The following RAD51B variants were observed in gnomAD, a reference collection of about 807,000 sequenced individuals.
RAD51B encodes RAD51 paralog B.
Under a neutral mutation model 42.2 loss-of-function variants are expected in RAD51B, and 38 were observed. The ratio of observed to expected loss-of-function variants is 0.90; its 90% CI spans 0.70 to 1.18. The LOEUF is 1.18. Ranked by LOEUF, RAD51B falls within the 50% of genes most tolerant of loss-of-function variation. RAD51B has a pLI of 0.00. For missense variants in RAD51B, 373 were observed against 400.7 expected, an observed-to-expected ratio of 0.93 and a Z score of 0.59; for synonymous variants, 154 against 145.2, an observed-to-expected ratio of 1.06 and a Z score of -0.43.
At chr14:68,607,023 G>C (rs995894575) in intron 10 of RAD51B, among the ~76,000 whole-genome samples, 4 of 152,290 alleles carry the variant, frequency 2.6e-5, no homozygotes, top group Admixed American at 6.5e-5. Flanking sequence ...AGTGTCATAT[G>C]TAAATTATAA....
At chr14:68,287,235 T>C (rs2081430645) in intron 7 of RAD51B, among the ~76,000 whole-genome samples, 2 of 152,202 alleles carry the variant, frequency 1.3e-5, no homozygotes, top group South Asian at 2.1e-4. Context: ...CTATTTTTCC[T>C]TGTGGGAAGG....
intron 7 of RAD51B, among the ~76,000 whole-genome samples, chr14:68,273,822 G>C (rs2081169154): frequency 2.6e-5 from 4 of 152,248 alleles, no homozygotes; most frequent in African/African-American, 9.6e-5. Context: ...GAGTAGTTGG[G>C]ATTACAGGTG....
chr14:67,908,509 T>G (rs2043855205), intron 7 of RAD51B: 1 of 148,184 alleles, frequency 6.7e-6, no homozygotes, highest in African/African-American at 2.5e-5. Context: ...GGAGTTTTGT[T>G]TTTTTTTTTT....
rs10650896 is a variant in RAD51B, at chr14:68,156,455, T to TTCTCTCTCTCTCTCTCTCTCTCTC, written c.757-135411_757-135388dup. Among the ~76,000 whole-genome samples the TTCTCTCTCTCTCTCTCTCTCTCTC allele has an allele frequency of 7.9e-5, 9 of 114,342 alleles. 1 individual carries two copies. Among genetic ancestry groups the TTCTCTCTCTCTCTCTCTCTCTCTC allele is most frequent in the African/African-American group, 2.4e-4 (7 of 28,952 alleles). 75.0% of individuals were successfully genotyped at this position (114,342 alleles called of 152,430 possible). On this transcript the variant is annotated intron_variant, in intron 7 of 10. Coordinates refer to ENST00000471583, the MANE Select transcript of RAD51B (RefSeq NM_133510.4). ...AAGTCAAGAAAGCACCTTAGAAAATTTCTCTCTCTCTCTCTCTCTCTCTCT... is the reference window on the plus strand; with the variant it reads ...AAGTCAAGAAAGCACCTTAGAAAATTTCTCTCTCTCTCTCTCTCTCTCTCTCTCTCTCTCTCTCTCTCTCTCTCT...
At chr14:67,936,044 T>G (rs1297849442) in intron 7 of RAD51B, among the ~76,000 whole-genome samples, 1 of 152,242 alleles carries the variant, frequency 6.6e-6, no homozygotes, top group Non-Finnish European at 1.5e-5. Flanking sequence ...AAAGGACACA[T>G]TATAAAAAGC....
At chr14:68,005,589 G>T (rs2075575672) in intron 7 of RAD51B, among the ~76,000 whole-genome samples, 1 of 152,066 alleles carries the variant, frequency 6.6e-6, no homozygotes, top group Non-Finnish European at 1.5e-5. Context: ...TTCTTGTTGG[G>T]CTTCGTATTT....
At chr14:68,029,072 C>A (rs564619725) in intron 7 of RAD51B, among the ~76,000 whole-genome samples, 12 of 152,368 alleles carry the variant, frequency 7.9e-5, no homozygotes, top group African/African-American at 2.9e-4. Context: ...AACCCTCTCC[C>A]GTGGAGCTGT....
intron 7 of RAD51B, among the ~76,000 whole-genome samples, chr14:68,102,550 G>C (rs1595399738): frequency 6.6e-6 from 1 of 152,050 alleles, no homozygotes; most frequent in Non-Finnish European, 1.5e-5. Flanking sequence ...CCTCTACCTG[G>C]ACTTCATTGT....
chr14:68,348,794 G>A (rs34607161), intron 8 of RAD51B, among the ~76,000 whole-genome samples: 126,629 of 151,882 alleles, frequency 0.83, 53,025 homozygotes, highest in East Asian at 0.99. Flanking sequence ...AGCTGCTCAG[G>A]AGGCTGAGGC....
intron 8 of RAD51B, among the ~76,000 whole-genome samples, chr14:68,336,498 A>G (rs1485670001): frequency 6.6e-6 from 1 of 152,242 alleles, no homozygotes; most frequent in Non-Finnish European, 1.5e-5. Flanking sequence ...CAAAAGAAAT[A>G]AAGGACTGAG....
chr14:67,830,464 C>G (rs907088392), intron 3 of RAD51B, among the ~76,000 whole-genome samples: 1 of 151,030 alleles, frequency 6.6e-6, no homozygotes, highest in Non-Finnish European at 1.5e-5. Flanking sequence ...TGCAGTGGTG[C>G]GATCTTGGCT....
chr14:68,281,693 T>C (rs907127848), intron 7 of RAD51B, among the ~76,000 whole-genome samples: 2 of 152,216 alleles, frequency 1.3e-5, no homozygotes, highest in Non-Finnish European at 1.5e-5. Context: ...GTTATTCTTA[T>C]TAATGATGTC....
rs1056932595 is a variant in RAD51B, at chr14:68,079,293, A to T, written c.756+192089A>T. ...AACTTCTGCAGGTAAATTATAACCC[A>T]CTTTTCTTTTTTATTTCATGTGGTC... On this transcript the variant is annotated intron_variant, in intron 7 of 10. Coordinates refer to ENST00000471583, the MANE Select transcript of RAD51B (RefSeq NM_133510.4). Among the ~76,000 whole-genome samples, 32 of 152,040 alleles carry T rather than the reference A, an allele frequency of 2.1e-4. 1 individual carries two copies. Among genetic ancestry groups the T allele is most frequent in the Admixed American group, 2.0e-3 (30 of 15,264 alleles).
chr14:68,411,369 A>T, intron 8 of RAD51B, 55 bp from the exon 9 acceptor site: 1 of 1,460,074 alleles, frequency 6.8e-7, no homozygotes, highest in South Asian at 1.1e-5. Flanking sequence ...ACTTCATGTG[A>T]AATGCCATCT....
At chr14:67,919,439 GA>G (rs1340085144) in intron 7 of RAD51B, among the ~76,000 whole-genome samples, 2 of 152,068 alleles carry the variant, frequency 1.3e-5, no homozygotes, top group East Asian at 1.9e-4. Context: ...TTCTTTACTG[GA>G]AAAAAACCCT....
intron 8 of RAD51B, among the ~76,000 whole-genome samples, chr14:68,380,668 AACTC>A (rs2083461840): frequency 6.6e-6 from 1 of 152,224 alleles, no homozygotes; most frequent in Admixed American, 6.5e-5. Flanking sequence ...CCTGTGCCAT[AACTC>A]ACTCAGAAGT....
intron 7 of RAD51B, among the ~76,000 whole-genome samples, chr14:68,131,832 A>G (rs2077898897): frequency 6.6e-6 from 1 of 152,260 alleles, no homozygotes; most frequent in African/African-American, 2.4e-5. Context: ...CAATCAGATT[A>G]TAGATTGGAA....
At chr14:68,230,587 C>T (rs1364142492) in intron 7 of RAD51B, among the ~76,000 whole-genome samples, 1 of 151,970 alleles carries the variant, frequency 6.6e-6, no homozygotes, top group East Asian at 1.9e-4. Context: ...GGTGTTCCTA[C>T]CAAAAAAAGG....
intron 7 of RAD51B, among the ~76,000 whole-genome samples, chr14:68,012,534 C>T (rs1460199730): frequency 1.3e-5 from 2 of 152,024 alleles, no homozygotes; most frequent in East Asian, 3.8e-4. Context: ...AAACCCTGGT[C>T]TATATTAGTA....
Sources: allele counts gnomAD v4.1 joint callset (sites outside exome capture counted in the v4.1 genomes callset), GRCh38; gene constraint gnomAD v4.1.1; transcripts MANE v1.5; gene names NCBI Gene and HGNC (gene_info 2026-07-23, HGNC 2026-07-21).